The following CDH4 variants were observed in gnomAD, a reference collection of about 807,000 sequenced individuals.
CDH4 encodes cadherin-4.
A neutral mutation model predicts 86.0 loss-of-function variants in CDH4; 33 were observed. That is an observed-to-expected ratio of 0.38 (90% CI 0.29 to 0.51). The LOEUF is 0.51. CDH4 is among the 20% of genes least tolerant of loss of function. The pLI, the probability that CDH4 is intolerant of heterozygous loss-of-function variation, is 0.86. For missense variants in CDH4, 1,114 were observed against 1,307.4 expected (o/e 0.85, Z 2.28); for synonymous variants, 555 against 549.4 (o/e 1.01, Z -0.14).
At chr20:61,538,938 C>T (rs2086018657) in intron 2 of CDH4, among the ~76,000 whole-genome samples, 1 of 152,200 alleles carries the variant, frequency 6.6e-6, no homozygotes, top group South Asian at 2.1e-4. Context: ...GGCTTCCTGC[C>T]TGATGCCAGG....
intron 5 of CDH4, among the ~76,000 whole-genome samples, chr20:61,848,434 C>T (rs768092516): frequency 3.3e-5 from 5 of 152,212 alleles, no homozygotes; most frequent in Non-Finnish European, 5.9e-5. Flanking sequence ...TGCAGTGGTG[C>T]AATCTCAGCT....
intron 2 of CDH4, among the ~76,000 whole-genome samples, chr20:61,680,517 A>G (rs1263261602): frequency 6.6e-6 from 1 of 152,122 alleles, no homozygotes; most frequent in Admixed American, 6.5e-5. Context: ...ACAATGCATG[A>G]TGGGCAGGGG....
chr20:61,572,866 T>TGGACGGAC (rs1555809985), intron 2 of CDH4, among the ~76,000 whole-genome samples: 1 of 150,482 alleles, frequency 6.6e-6, no homozygotes, highest in African/African-American at 2.5e-5. Flanking sequence ...GATGGATGGA[T>TGGACGGAC]GGACAGACAG....
At chr20:61,577,150 GATGTTTTGTGTGTTGAAGGATGAGTGT>G (rs1356562628) in intron 2 of CDH4, among the ~76,000 whole-genome samples, 4 of 152,282 alleles carry the variant, frequency 2.6e-5, no homozygotes, top group East Asian at 3.9e-4. Context: ...AGGATGAGTG[GATGTTTTGTGTGTTGAAGGATGAGTGT>G]ATGTGTGTGT....
At chr20:61,264,616 A>G (rs1042101926) in intron 2 of CDH4, among the ~76,000 whole-genome samples, 2 of 147,982 alleles carry the variant, frequency 1.4e-5, no homozygotes, top group African/African-American at 2.5e-5. Context: ...ATTCAGTCCT[A>G]CACATATCTC....
At chr20:61,931,137 C>A (rs1022452618) in intron 13 of CDH4, among the ~76,000 whole-genome samples, 6 of 152,250 alleles carry the variant, frequency 3.9e-5, no homozygotes, top group Admixed American at 6.5e-5. Flanking sequence ...TCCTCTCAAC[C>A]CTCGCTCATC....
At chr20:61,936,621 C>G (rs1455125323) in intron 15 of CDH4, 116 bp from the exon 16 acceptor site, 4 of 752,390 alleles carry the variant, frequency 5.3e-6, no homozygotes, top group Admixed American at 7.8e-5. Flanking sequence ...TGGACACCTA[C>G]TTTATGCAAC....
intron 2 of CDH4, among the ~76,000 whole-genome samples, chr20:61,535,435 C>T (rs568648351): frequency 7.4e-4 from 113 of 152,286 alleles, no homozygotes; most frequent in African/African-American, 2.3e-3. Context: ...GTCCATTTGT[C>T]GAGGCAGTTG....
intron 2 of CDH4, among the ~76,000 whole-genome samples, chr20:61,338,785 C>T (rs914026512): frequency 2.0e-5 from 3 of 152,134 alleles, no homozygotes; most frequent in African/African-American, 4.8e-5. Flanking sequence ...GAACTATCCT[C>T]AGGGCGAAGA....
At position 61,377,307 on chromosome 20, in the gene CDH4, G is replaced by A. The variant is rs940123961; in HGVS notation, c.169+122370G>A. Reference sequence around the variant, plus strand: ...GCATCATTTAGGTGACACAGCCCGGGACTCCTGGGCCCTGACGAATCCAAA... The same window carrying A: ...GCATCATTTAGGTGACACAGCCCGGAACTCCTGGGCCCTGACGAATCCAAA... On this transcript the variant is annotated intron_variant, in intron 2 of 15. Transcript: ENST00000614565. The surrounding 1 kb of genome is among the most constrained non-coding windows in gnomAD (Gnocchi z 4.0). Among the ~76,000 whole-genome samples the A allele has an allele frequency of 2.0e-5, 3 of 152,160 alleles. No individual in the cohort carries two copies. The highest frequency in any genetic ancestry group is 7.2e-5 in the African/African-American group (3 of 41,428).
At chr20:61,662,705 G>A (rs1194518618) in intron 2 of CDH4, among the ~76,000 whole-genome samples, 1 of 152,192 alleles carries the variant, frequency 6.6e-6, no homozygotes, top group Non-Finnish European at 1.5e-5. Context: ...GTGCCCAGCT[G>A]CTCGCGTGGC....
intron 2 of CDH4, among the ~76,000 whole-genome samples, chr20:61,511,270 C>T (rs2085777964): frequency 6.6e-6 from 1 of 152,226 alleles, no homozygotes; most frequent in East Asian, 1.9e-4. Context: ...AGCCCCACTT[C>T]ACACCACCAG....
chr20:61,389,643 G>A (rs560871221), intron 2 of CDH4, among the ~76,000 whole-genome samples: 46 of 152,278 alleles, frequency 3.0e-4, no homozygotes, highest in African/African-American at 1.1e-3. Context: ...TTCTCAACTG[G>A]GCCAGGAACA....
intron 2 of CDH4, among the ~76,000 whole-genome samples, chr20:61,345,947 G>A (rs1256342900): frequency 6.6e-6 from 1 of 152,206 alleles, no homozygotes; most frequent in Non-Finnish European, 1.5e-5. Flanking sequence ...TGTGGACCTG[G>A]TATTTTGTAA....
intron 2 of CDH4, among the ~76,000 whole-genome samples, chr20:61,499,059 G>C (rs368687625): frequency 1.3e-5 from 2 of 152,166 alleles, no homozygotes; most frequent in African/African-American, 2.4e-5. Flanking sequence ...GCTGCATGGC[G>C]GGGGCAGGTT....
intron 2 of CDH4, among the ~76,000 whole-genome samples, chr20:61,726,805 A>G (rs1212667691): frequency 7.8e-6 from 1 of 128,062 alleles, no homozygotes; most frequent in African/African-American, 3.1e-5. Flanking sequence ...TGGTGCCATC[A>G]TCACCATTGC....
intron 2 of CDH4, among the ~76,000 whole-genome samples, chr20:61,612,119 A>G (rs180987378): frequency 2.0e-5 from 3 of 152,208 alleles, no homozygotes; most frequent in South Asian, 2.1e-4. Flanking sequence ...AAATGTGCAT[A>G]TTTTCAAGTA....
At chr20:61,326,586 A>G (rs2084538027) in intron 2 of CDH4, among the ~76,000 whole-genome samples, 2 of 152,192 alleles carry the variant, frequency 1.3e-5, no homozygotes, top group African/African-American at 4.8e-5. Flanking sequence ...ATGGAATTCC[A>G]TTCTTCCTTG....
chr20:61,336,564 C>G lies in CDH4; in HGVS notation c.169+81627C>G, dbSNP rs2084618309. On this transcript the variant is annotated intron_variant, in intron 2 of 15. Coordinates refer to ENST00000614565, the MANE Select transcript of CDH4 (RefSeq NM_001794.5). ...ATTTTTGTGGGCCTCCTTCAGCCTC[C>G]CTTGATCAATGCCAAGCCTGTGTGC... is the stretch of plus-strand genomic sequence containing the variant. 2.0e-5 allele frequency among the ~76,000 whole-genome samples: 3 copies of G among 152,172 alleles called. No homozygotes were observed. In the South Asian group the frequency reaches 6.2e-4, roughly 32 times the overall value.
Sources: gnomAD v4.1 joint callset for allele counts (sites outside exome capture counted in the v4.1 genomes callset) on GRCh38, gnomAD v4.1.1 for gene constraint, Gnocchi (gnomAD v3.1) non-coding constraint, MANE v1.5 for transcripts, NCBI Gene and HGNC (gene_info 2026-07-23, HGNC 2026-07-21) for gene names.